The following B4GALNT3 variants were observed in gnomAD, a reference collection of about 807,000 sequenced individuals.
The protein encoded by B4GALNT3 is beta-1,4-N-acetylgalactosaminyltransferase 3.
In B4GALNT3, 86 loss-of-function variants were observed where a neutral mutation model predicts 120.2. The ratio of observed to expected loss-of-function variants is 0.72; its 90% CI spans 0.60 to 0.86. B4GALNT3 has a LOEUF of 0.86. Among genes scored for constraint, B4GALNT3 ranks in the 40% least tolerant of loss-of-function variants. The pLI, the probability that B4GALNT3 is intolerant of heterozygous loss-of-function variation, is 0.00. For synonymous variants in B4GALNT3, 518 were observed against 510.4 expected, an observed-to-expected ratio of 1.01 and a Z score of -0.20; for missense variants, 1,167 against 1,298.9, an observed-to-expected ratio of 0.90 and a Z score of 1.56.
intron 1 of B4GALNT3, among the ~76,000 whole-genome samples, chr12:522,192 G>A (rs1946717383): frequency 6.6e-6 from 1 of 152,128 alleles, no homozygotes; most frequent in Non-Finnish European, 1.5e-5. Context: ...GCAAGCAAGG[G>A]CTCTGAGAGA....
intron 11 of B4GALNT3, 46 bp from the exon 12 acceptor site, chr12:552,017 C>T: frequency 7.0e-7 from 1 of 1,434,414 alleles, no homozygotes; most frequent in Non-Finnish European, 9.8e-7. Flanking sequence ...GATTTCTTAC[C>T]AAGATCTCAC....
Position 553,529 on chromosome 12 carries a change from C to G in B4GALNT3, c.1606C>G (p.His536Asp). 6.2e-7 allele frequency: 1 copy of G among 1,614,006 alleles called. No individual in the cohort carries two copies. The highest frequency in any genetic ancestry group is 8.5e-7 in the Non-Finnish European group (1 of 1,179,956). Reference protein sequence around the residue: ...SPHSDKWPPGHPVKNLPQMRG... With the variant: ...SPHSDKWPPGDPVKNLPQMRG... ...TCATTCCGACAAGTGGCCTCCTGGG[C>G]ACCCTGTGAAGAACCTGCCTCAGAT... Residue 536 changes from histidine (H) to aspartate (D), a missense_variant, in exon 14 of 20, where the codon CAC (histidine) becomes GAC (aspartate). Physicochemically the swap from His to Asp is moderately conservative, Grantham distance 81. Around this residue, in one of 3 missense-constraint regions of B4GALNT3, gnomAD observed 983 missense variants for 1,102.5 expected, o/e 0.89. Transcript: ENST00000266383.
intron 1 of B4GALNT3, among the ~76,000 whole-genome samples, chr12:479,213 TTTA>T (rs1315114614): frequency 2.0e-5 from 3 of 151,732 alleles, no homozygotes; most frequent in African/African-American, 7.3e-5. Context: ...TGGCTTTTTT[TTTA>T]TTATTATTTA....
At chr12:470,784 G>A (rs554215055) in intron 1 of B4GALNT3, among the ~76,000 whole-genome samples, 1 of 152,240 alleles carries the variant, frequency 6.6e-6, no homozygotes, top group South Asian at 2.1e-4. Context: ...TGTCACCCAG[G>A]CTGAAGTGCA....
chr12:509,385 A>C (rs73032470), intron 1 of B4GALNT3, among the ~76,000 whole-genome samples: 10,856 of 152,300 alleles, frequency 0.071, 563 homozygotes, highest in Non-Finnish European at 0.11. Flanking sequence ...GGAGATTTCC[A>C]GGGCAGGAGA....
rs1004881671 is a variant in B4GALNT3, at chr12:487,714, A to G, written c.169+27169A>G. The stretch of plus-strand genomic sequence containing the variant: ...GGCAACAGAGCGAGACTCTATCTTG[A>G]AAAAAAAAAAAAGAAAGAAAAGAAG... On this transcript the variant is annotated intron_variant, in intron 1 of 19. Transcript: ENST00000266383. 8.5e-4 allele frequency among the ~76,000 whole-genome samples: 50 copies of G among 58,910 alleles called. 1 individual carries two copies. In the South Asian group the frequency reaches 0.012, roughly 14 times the overall value. 38.6% of individuals were successfully genotyped at this position (58,910 alleles called of 152,430 possible).
rs1352626063 is a variant in B4GALNT3, at chr12:460,353, C to T, written c.-24C>T. On this transcript the variant is annotated 5_prime_UTR_variant, in exon 1 of 20. Transcript: ENST00000266383. This position sits in a 1 kb window ranked among gnomAD's most constrained non-coding sequence, Gnocchi z 8.0. ...CTCGGGGGGTTGGAGCCCGCGCTGG[C>T]GGCGGCCGCCTCGGCGCAGCGCCAT... 3.6e-6 allele frequency: 4 copies of T among 1,117,980 alleles called. No homozygotes were observed. The highest frequency in any genetic ancestry group is 4.4e-6 in the Non-Finnish European group (4 of 916,258). The allele number at this position is 1,117,980 out of a possible 1,614,324, so 69.3% of individuals were successfully genotyped here. A position where few individuals can be genotyped will look rare whatever the true frequency, so the allele number is the denominator to read the frequency against.
chr12:524,545 C>T (rs1458172607), intron 1 of B4GALNT3, among the ~76,000 whole-genome samples: 2 of 151,920 alleles, frequency 1.3e-5, no homozygotes, highest in Non-Finnish European at 2.9e-5. Flanking sequence ...CTTTTTTGGC[C>T]TCAGGGCCAT....
rs143836989 is a variant in B4GALNT3, at chr12:554,170, C to G, written c.2060+187C>G. Among the ~76,000 whole-genome samples, 33 of 152,336 alleles carry G rather than the reference C, an allele frequency of 2.2e-4. No individual in the cohort carries two copies. The East Asian group carries it at 6.4e-3, about 29-fold the overall frequency. On this transcript the variant is annotated intron_variant, in intron 14 of 19. Coordinates refer to ENST00000266383, the MANE Select transcript of B4GALNT3 (RefSeq NM_173593.4). Reference sequence around the variant, plus strand: ...CCCTGTCCCTGGAGAGGATCTTGACCAGGCAGGTGTTTGTCCCGCCATTAG... The same window carrying G: ...CCCTGTCCCTGGAGAGGATCTTGACGAGGCAGGTGTTTGTCCCGCCATTAG...
At chr12:472,284 T>C (rs967331265) in intron 1 of B4GALNT3, among the ~76,000 whole-genome samples, 1 of 152,168 alleles carries the variant, frequency 6.6e-6, no homozygotes, top group African/African-American at 2.4e-5. Flanking sequence ...GATTAACTGA[T>C]GTTTTTTATT....
intron 3 of B4GALNT3, chr12:543,147 G>T: frequency 7.8e-7 from 1 of 1,289,594 alleles, no homozygotes; most frequent in Non-Finnish European, 1.0e-6. Flanking sequence ...GTGTGTGTGT[G>T]CATGGCCAGA....
chr12:522,622 A>G (rs1253028400), intron 1 of B4GALNT3, among the ~76,000 whole-genome samples: 2 of 152,144 alleles, frequency 1.3e-5, no homozygotes, highest in East Asian at 3.9e-4. Context: ...TCTTAATGCC[A>G]TTAAGTGTAC....
Position 557,649 on chromosome 12 carries a change from A to G in B4GALNT3, c.2422A>G (p.Met808Val). The change falls in exon 16 of 20, where the codon ATG becomes GTG. Residue 808 changes from methionine to valine, a missense_variant. Met to Val is a conservative substitution (Grantham distance 21). This residue lies in a region of B4GALNT3 where 983 missense variants were observed against 1,102.5 expected (regional missense o/e 0.89). Coordinates refer to ENST00000266383, the MANE Select transcript of B4GALNT3 (RefSeq NM_173593.4). ...CTGGGTACAGCAATTCATCAAAGAC[A>G]TGGAAAACCTGTTCCAGGTCACCGG... ...ARWVQQFIKD[M>V]ENLFQVTGDP... The G allele has an allele frequency of 6.2e-7, 1 of 1,611,964 alleles. No individual in the cohort carries two copies. Among genetic ancestry groups the G allele is most frequent in the Non-Finnish European group, 8.5e-7 (1 of 1,179,342 alleles).
intron 7 of B4GALNT3, 77 bp downstream of exon 7, chr12:546,790 C>T (rs1947013196): frequency 7.1e-7 from 1 of 1,400,996 alleles, no homozygotes; most frequent in Non-Finnish European, 9.9e-7. Flanking sequence ...GTCCGCCAGC[C>T]CAGCTGCCGA....
rs570068547 is a variant in B4GALNT3 at position 477,925 on chromosome 12, G to C, written c.169+17380G>C. Among the ~76,000 whole-genome samples, 258 of 152,240 alleles carry C rather than the reference G, an allele frequency of 1.7e-3. 1 individual carries two copies. Among genetic ancestry groups the C allele is most frequent in the Non-Finnish European group, 1.8e-3 (123 of 68,006 alleles). ...CAGATTAAAGAAAAGTGGCAGAGAG[G>C]TAGCAACAAATAGGTTCAGAACATG... is the stretch of plus-strand genomic sequence containing the variant. On this transcript the variant is annotated intron_variant, in intron 1 of 19. Transcript: ENST00000266383.
At chr12:543,086 G>A in intron 3 of B4GALNT3, 1 of 1,283,068 alleles carries the variant, frequency 7.8e-7, no homozygotes. Context: ...CCGTTGCCTG[G>A]GGAATGAACA....
At chr12:549,562 C>T (rs1054295626) in intron 9 of B4GALNT3, among the ~76,000 whole-genome samples, 1 of 152,218 alleles carries the variant, frequency 6.6e-6, no homozygotes, top group East Asian at 1.9e-4. Flanking sequence ...GTGGGTCAGC[C>T]GTGGGGCTGG....
intron 3 of B4GALNT3, among the ~76,000 whole-genome samples, chr12:544,084 A>G (rs1377300046): frequency 9.0e-6 from 1 of 111,190 alleles, no homozygotes; most frequent in Non-Finnish European, 1.8e-5. Flanking sequence ...TGGGGCGGGC[A>G]TGGGGTGCTC....
intron 3 of B4GALNT3, among the ~76,000 whole-genome samples, chr12:543,658 G>A (rs1247528992): frequency 1.7e-4 from 9 of 51,592 alleles, no homozygotes; most frequent in Non-Finnish European, 1.9e-4. Flanking sequence ...AGGAGCTGGG[G>A]CGGGCATGGG....
Sources: allele counts gnomAD v4.1 joint callset (sites outside exome capture counted in the v4.1 genomes callset), GRCh38; gene constraint gnomAD v4.1.1; regional missense constraint gnomAD v4.1.1; non-coding constraint Gnocchi (gnomAD v3.1); transcripts MANE v1.5; gene names NCBI Gene and HGNC (gene_info 2026-07-23, HGNC 2026-07-21).